NEDD4L: variants seen among roughly 807,000 people sequenced by gnomAD.
The protein encoded by NEDD4L is E3 ubiquitin-protein ligase NEDD4-like.
Under a neutral mutation model 148.9 loss-of-function variants are expected in NEDD4L, and 54 were observed. That is an observed-to-expected ratio of 0.36 (90% CI 0.29 to 0.45). The LOEUF (loss-of-function observed/expected upper bound fraction) is 0.45. Ranked by LOEUF, NEDD4L falls within the 20% of genes least tolerant of loss-of-function variation. NEDD4L has a pLI of 1.00. For missense variants in NEDD4L, 856 were observed against 1,233.8 expected, an observed-to-expected ratio of 0.69 and a Z score of 4.59; for synonymous variants, 433 against 440.7, an observed-to-expected ratio of 0.98 and a Z score of 0.22.
At chr18:58,212,418 T>C (rs1325580623) in intron 2 of NEDD4L, among the ~76,000 whole-genome samples, 3 of 152,190 alleles carry the variant, frequency 2.0e-5, no homozygotes, top group Non-Finnish European at 4.4e-5. Context: ...AGTCCCATCT[T>C]ACATGGTGGC....
intron 12 of NEDD4L, 54 bp downstream of exon 12, chr18:58,333,946 A>G (rs915034735): frequency 3.4e-6 from 4 of 1,191,824 alleles, no homozygotes; most frequent in Non-Finnish European, 3.7e-6. Context: ...TTCATTTACA[A>G]TCATCTGGGC....
At chr18:58,306,503 C>T (rs2057078679) in intron 5 of NEDD4L, among the ~76,000 whole-genome samples, 1 of 151,978 alleles carries the variant, frequency 6.6e-6, no homozygotes, top group African/African-American at 2.4e-5. Context: ...ATTCGGGGAG[C>T]CTGTTCATGT....
rs149427722 is a variant in NEDD4L at position 58,163,438 on chromosome 18, C to T, written c.49-2350C>T. ...GAGATGGGCAGAGCAGTCCCTGCAG[C>T]GCTTCAGGGAACAGGGAAGAGCAGC... is the stretch of plus-strand genomic sequence containing the variant. On this transcript the variant is annotated intron_variant, in intron 1 of 30. Coordinates refer to ENST00000400345, the MANE Select transcript of NEDD4L (RefSeq NM_001144967.3). Among the ~76,000 whole-genome samples, 46 of 152,302 alleles carry T rather than the reference C, an allele frequency of 3.0e-4. No individual in the cohort carries two copies. In the East Asian group the frequency reaches 8.3e-3, roughly 27 times the overall value.
At chr18:58,048,560 C>T (rs1415612113) in intron 1 of NEDD4L, among the ~76,000 whole-genome samples, 8 of 152,190 alleles carry the variant, frequency 5.3e-5, no homozygotes, top group Admixed American at 2.0e-4. Flanking sequence ...TTTTAACATG[C>T]TGAATATCCT....
chr18:58,391,744 A>T (rs746036800), intron 30 of NEDD4L, among the ~76,000 whole-genome samples, 185 bp downstream of exon 30: 2 of 152,248 alleles, frequency 1.3e-5, no homozygotes, highest in South Asian at 2.1e-4. Context: ...TGCACTCAGT[A>T]TGTTTGGCAC....
intron 5 of NEDD4L, among the ~76,000 whole-genome samples, chr18:58,310,818 A>T (rs1196826229): frequency 6.6e-6 from 1 of 152,226 alleles, no homozygotes; most frequent in Non-Finnish European, 1.5e-5. Context: ...CTGATGGGGT[A>T]GCTGCACTCG....
At position 58,401,360 on chromosome 18, in the gene NEDD4L, A is replaced by C. The variant is rs1029368427; in HGVS notation, c.*5091A>C. On this transcript the variant is annotated 3_prime_UTR_variant, in exon 31 of 31. Transcript: ENST00000400345. The stretch of plus-strand genomic sequence containing the variant: ...AAATATGGTTGAATTTGATACACAC[A>C]GGAAGTTTTCTTGAAGAACAATCCT... 7 of 152,258 alleles carry C rather than the reference A, an allele frequency of 4.6e-5. No individual in the cohort carries two copies. The highest frequency in any genetic ancestry group is 8.8e-5 in the Non-Finnish European group (6 of 68,050). The allele number at this position is 152,258 out of a possible 1,614,324, so 9.4% of individuals were successfully genotyped here.
chr18:58,326,159 G>C (rs1391135483), intron 9 of NEDD4L, among the ~76,000 whole-genome samples: 1 of 152,164 alleles, frequency 6.6e-6, no homozygotes, highest in Non-Finnish European at 1.5e-5. Context: ...CTCCACATAT[G>C]ACTGTGGGTG....
intron 5 of NEDD4L, among the ~76,000 whole-genome samples, chr18:58,279,695 G>A (rs1427193535): frequency 6.6e-6 from 1 of 152,190 alleles, no homozygotes; most frequent in Admixed American, 6.5e-5. Flanking sequence ...ACTTTTTGTT[G>A]CACATGCTCT....
chr18:58,173,991 A>G (rs1465004761), intron 2 of NEDD4L, among the ~76,000 whole-genome samples: 1 of 152,200 alleles, frequency 6.6e-6, no homozygotes, highest in African/African-American at 2.4e-5. Context: ...CCCAGCCAGC[A>G]ACACCCCACC....
intron 1 of NEDD4L, among the ~76,000 whole-genome samples, chr18:58,101,609 A>C (rs993339692): frequency 2.8e-4 from 42 of 152,314 alleles, no homozygotes; most frequent in Middle Eastern, 3.4e-3. Flanking sequence ...CTCCATTTGC[A>C]CATTAGATTT....
At chr18:58,364,815 T>G (rs980539038) in intron 20 of NEDD4L, among the ~76,000 whole-genome samples, 1 of 152,266 alleles carries the variant, frequency 6.6e-6, no homozygotes, top group Non-Finnish European at 1.5e-5. Flanking sequence ...AATGTAATTT[T>G]CTACTTATAA....
chr18:58,104,617 A>G (rs2084956571), intron 1 of NEDD4L, among the ~76,000 whole-genome samples: 1 of 152,230 alleles, frequency 6.6e-6, no homozygotes, highest in South Asian at 2.1e-4. Flanking sequence ...TTTTGTTTCC[A>G]GGGTTTTAAA....
intron 30 of NEDD4L, among the ~76,000 whole-genome samples, chr18:58,392,536 G>GTT (rs66467685): frequency 6.7e-5 from 10 of 150,034 alleles, no homozygotes; most frequent in African/African-American, 2.2e-4. Flanking sequence ...CCAGAAAGGT[G>GTT]TTTTTTTTTT....
intron 2 of NEDD4L, among the ~76,000 whole-genome samples, chr18:58,167,413 C>T (rs1467402861): frequency 6.6e-6 from 1 of 152,220 alleles, no homozygotes; most frequent in Non-Finnish European, 1.5e-5. Context: ...ATACTGTTTC[C>T]TGAAACTCAC....
At chr18:58,236,094 C>T (rs768365402) in intron 2 of NEDD4L, among the ~76,000 whole-genome samples, 23 of 151,886 alleles carry the variant, frequency 1.5e-4, no homozygotes, top group Non-Finnish European at 2.2e-4. Context: ...TAGTGGCTCC[C>T]GCCTGTAATC....
intron 1 of NEDD4L, among the ~76,000 whole-genome samples, chr18:58,063,829 C>T (rs2082456113): frequency 1.3e-5 from 2 of 152,038 alleles, no homozygotes; most frequent in Non-Finnish European, 2.9e-5. Context: ...GCTGGGATTA[C>T]AGGCGTGAGC....
chr18:58,342,277 G>C (rs1424398740), intron 15 of NEDD4L, among the ~76,000 whole-genome samples: 1 of 152,126 alleles, frequency 6.6e-6, no homozygotes, highest in Non-Finnish European at 1.5e-5. Context: ...CTGGGCATCT[G>C]CTTGTGCTCT....
chr18:58,065,125 G>A (rs909126274), intron 1 of NEDD4L, among the ~76,000 whole-genome samples: 1 of 152,184 alleles, frequency 6.6e-6, no homozygotes, highest in African/African-American at 2.4e-5. Flanking sequence ...AACATCTTGT[G>A]CATTTCTTGC....
Sources: allele counts gnomAD v4.1 joint callset (sites outside exome capture counted in the v4.1 genomes callset), GRCh38; gene constraint gnomAD v4.1.1; transcripts MANE v1.5; gene names NCBI Gene and HGNC (gene_info 2026-07-23, HGNC 2026-07-21).